FNDC7: variants seen among roughly 807,000 people sequenced by gnomAD.
FNDC7 encodes fibronectin type III domain-containing protein 7.
In FNDC7, 66 loss-of-function variants were observed where a neutral mutation model predicts 74.2. The observed-to-expected ratio is 0.89, with a 90% CI of 0.73 to 1.09. The LOEUF (loss-of-function observed/expected upper bound fraction) is 1.09. FNDC7 is among the 50% of genes least tolerant of loss of function. The probability of loss-of-function intolerance (pLI) is 0.00; values close to 1 mark genes in which losing one functional copy is unlikely to be tolerated. For synonymous variants in FNDC7, 307 were observed against 330.2 expected (o/e 0.93, Z 0.76); for missense variants, 829 against 893.4 (o/e 0.93, Z 0.92).
At chr1:108,736,307 C>T (rs1462581022) in intron 10 of FNDC7, among the ~76,000 whole-genome samples, 2 of 152,046 alleles carry the variant, frequency 1.3e-5, no homozygotes, top group African/African-American at 2.4e-5. Flanking sequence ...ACTCTACTGG[C>T]CCCAATTTTC....
chr1:108,714,716 T>A (rs972493142), intron 2 of FNDC7, among the ~76,000 whole-genome samples: 1 of 149,040 alleles, frequency 6.7e-6, no homozygotes, highest in African/African-American at 2.5e-5. Context: ...GCCATTCTCC[T>A]GCCTCAGCCT....
At chr1:108,737,553 G>T in intron 11 of FNDC7, 29 bp downstream of exon 11, 2 of 1,571,202 alleles carry the variant, frequency 1.3e-6, no homozygotes, top group South Asian at 2.4e-5. Context: ...GGATAAAATA[G>T]AACAGGATTT....
chr1:108,737,153 T>G (rs1273485874), intron 10 of FNDC7, among the ~76,000 whole-genome samples: 1 of 151,974 alleles, frequency 6.6e-6, no homozygotes, highest in Admixed American at 6.6e-5. Context: ...TATTTTTTGG[T>G]AGAGATGGGG....
chr1:108,720,987 G>A (rs1661080360), intron 4 of FNDC7, among the ~76,000 whole-genome samples: 1 of 152,152 alleles, frequency 6.6e-6, no homozygotes, highest in Non-Finnish European at 1.5e-5. Flanking sequence ...CTTCCTGTGG[G>A]AAAAGCAAGT....
chr1:108,732,606 T>A (rs1202906554), intron 9 of FNDC7, among the ~76,000 whole-genome samples: 1 of 152,204 alleles, frequency 6.6e-6, no homozygotes, highest in African/African-American at 2.4e-5. Flanking sequence ...GTACAATATG[T>A]ATCTGCCAAT....
chr1:108,718,193 A>G (rs150753869), intron 3 of FNDC7, among the ~76,000 whole-genome samples, 162 bp downstream of exon 3: 1 of 152,366 alleles, frequency 6.6e-6, no homozygotes, highest in East Asian at 1.9e-4. Context: ...GAATTCAGCT[A>G]TCTGCGGAGG....
At chr1:108,736,708 T>C (rs535667857) in intron 10 of FNDC7, among the ~76,000 whole-genome samples, 1 of 152,292 alleles carries the variant, frequency 6.6e-6, no homozygotes, top group South Asian at 2.1e-4. Context: ...CATTTCAGCT[T>C]AGTAACATTA....
intron 10 of FNDC7, chr1:108,734,615 AAGG>A (rs1438719291): frequency 2.6e-5 from 4 of 152,294 alleles, no homozygotes; most frequent in African/African-American, 7.2e-5. Flanking sequence ...TTGGTGATGG[AAGG>A]AGGACAGTTC....
chr1:108,740,840 G>C lies in FNDC7; in HGVS notation c.2171-933G>C, dbSNP rs112641375. Among the ~76,000 whole-genome samples the C allele has an allele frequency of 4.5e-3, 690 of 152,352 alleles. 2 individuals carry two copies. Among genetic ancestry groups the C allele is most frequent in the Non-Finnish European group, 7.0e-3 (476 of 68,038 alleles). The stretch of plus-strand genomic sequence containing the variant: ...AACAACTACTTAATAAATGGTAGTT[G>C]TTAATTCATATTCAGTTTAAGCTCA... On this transcript the variant is annotated intron_variant, in intron 11 of 12. Coordinates refer to ENST00000370017, the MANE Select transcript of FNDC7 (RefSeq NM_001144937.3).
In FNDC7 at chr1:108,742,340, A is replaced by G. The variant is rs1661669103; in HGVS notation, c.*453A>G. The stretch of plus-strand genomic sequence containing the variant: ...CCAGAAAGTCAAGCCACCCACATGC[A>G]GACAGCACTTATCCCAAGACAAACC... On this transcript the variant is annotated 3_prime_UTR_variant, in exon 13 of 13. Coordinates refer to ENST00000370017, the MANE Select transcript of FNDC7 (RefSeq NM_001144937.3). 6.4e-6 allele frequency: 1 copy of G among 155,570 alleles called. No homozygotes were observed. The highest frequency in any genetic ancestry group is 1.4e-5 in the Non-Finnish European group (1 of 70,662). The allele number at this position is 155,570 out of a possible 1,614,324, so 9.6% of individuals were successfully genotyped here.
At chr1:108,715,277 G>A (rs916654034) in intron 2 of FNDC7, among the ~76,000 whole-genome samples, 2 of 152,106 alleles carry the variant, frequency 1.3e-5, no homozygotes, top group African/African-American at 2.4e-5. Flanking sequence ...AGAATCAAAG[G>A]GTTCATTTTT....
chr1:108,719,692 T>C (rs1158243509), intron 4 of FNDC7, among the ~76,000 whole-genome samples: 2 of 152,038 alleles, frequency 1.3e-5, no homozygotes, highest in South Asian at 2.1e-4. Flanking sequence ...CAAAGGACTC[T>C]GCAGCATTAC....
intron 6 of FNDC7, among the ~76,000 whole-genome samples, chr1:108,726,525 T>C (rs1454114376): frequency 6.6e-6 from 1 of 152,080 alleles, no homozygotes; most frequent in Non-Finnish European, 1.5e-5. Flanking sequence ...GGACAAATCA[T>C]GAAAACATGA....
At chr1:108,736,810 T>A (rs1557793691) in intron 10 of FNDC7, among the ~76,000 whole-genome samples, 1 of 152,222 alleles carries the variant, frequency 6.6e-6, no homozygotes, top group Non-Finnish European at 1.5e-5. Context: ...TTTGTTTGTT[T>A]GCAGTATCAG....
In FNDC7 at chr1:108,722,507, G is replaced by T; in HGVS notation, c.771G>T (p.Gln257His). 1.2e-6 allele frequency: 2 copies of T among 1,614,198 alleles called. No individual in the cohort carries two copies. The highest frequency in any genetic ancestry group is 1.7e-6 in the Non-Finnish European group (2 of 1,180,030). The part of the protein sequence containing the change: ...TFSSCTISSL[Q>H]CGTEYLISVL... ...GTTCCTGCACCATCTCTTCCCTCCA[G>T]TGTGGAACTGAATACTTGATTTCAG... The change falls in exon 5 of 13, where the codon CAG becomes CAT. Residue 257 changes from glutamine (Q) to histidine (H), a missense_variant. By Grantham distance (24) the Gln-to-His change is conservative. Transcript: ENST00000370017.
intron 10 of FNDC7, 115 bp from the exon 11 acceptor site, chr1:108,737,380 G>A (rs1178740267): frequency 3.3e-5 from 28 of 855,852 alleles, no homozygotes; most frequent in Middle Eastern, 3.6e-4. Context: ...ACCCAAGTTC[G>A]TTCTTGTTCG....
At chr1:108,719,745 T>TGAGAGAGAGAGAGAGAGAGA (rs67387432) in intron 4 of FNDC7, among the ~76,000 whole-genome samples, 3 of 148,232 alleles carry the variant, frequency 2.0e-5, no homozygotes, top group African/African-American at 7.6e-5. Flanking sequence ...GCCAAGCGAA[T>TGAGAGAGAGAGAGAGAGAGA]GAGAGAGAGA....
At chr1:108,729,208 G>T (rs533720357) in intron 8 of FNDC7, among the ~76,000 whole-genome samples, 2 of 152,266 alleles carry the variant, frequency 1.3e-5, no homozygotes, top group South Asian at 4.1e-4. Context: ...AAATGAGCTG[G>T]GTTGTTACTT....
intron 3 of FNDC7, among the ~76,000 whole-genome samples, chr1:108,718,504 C>T (rs1661025698): frequency 6.6e-6 from 1 of 152,116 alleles, no homozygotes; most frequent in South Asian, 2.1e-4. Flanking sequence ...CTAATTTTCC[C>T]ATTGATTTAT....
Sources: gnomAD v4.1 joint callset for allele counts (sites outside exome capture counted in the v4.1 genomes callset) on GRCh38, gnomAD v4.1.1 for gene constraint, MANE v1.5 for transcripts, NCBI Gene and HGNC (gene_info 2026-07-23, HGNC 2026-07-21) for gene names.